The following TEKT3 variants were observed in gnomAD, a reference collection of about 807,000 sequenced individuals.
The protein encoded by TEKT3 is tektin-3.
A neutral mutation model predicts 49.8 loss-of-function variants in TEKT3; 49 were observed. That is an observed-to-expected ratio of 0.98 (90% CI 0.78 to 1.25). The LOEUF (loss-of-function observed/expected upper bound fraction) is 1.25. TEKT3 is among the 50% of genes most tolerant of loss of function. The pLI is 0.00. For missense variants in TEKT3, 595 were observed against 629.5 expected, an observed-to-expected ratio of 0.95 and a Z score of 0.59; for synonymous variants, 225 against 237.2, an observed-to-expected ratio of 0.95 and a Z score of 0.47.
At chr17:15,324,486 T>G (rs1911403534) in intron 4 of TEKT3, among the ~76,000 whole-genome samples, 1 of 152,206 alleles carries the variant, frequency 6.6e-6, no homozygotes, top group South Asian at 2.1e-4. Context: ...ATCCTATGGA[T>G]CATACAGGGT....
At position 15,331,081 on chromosome 17, in the gene TEKT3, C is replaced by T. The variant is rs369191449; in HGVS notation, c.505G>A (p.Gly169Arg). The change falls in exon 3 of 9, where the codon GGA becomes AGA. Residue 169 changes from glycine (G) to arginine (R), a missense_variant. By Grantham distance (125) the Gly-to-Arg change is moderately radical. Transcript: ENST00000395930. ...EIIHELDEMIGETNALTDVKK... is the reference protein window; with the variant it reads ...EIIHELDEMIRETNALTDVKK... ...ACATCAGTAAGTGCATTTGTCTCTC[C>T]AATCATTTCATCCAACTCATGAATG... The T allele has an allele frequency of 6.8e-6, 11 of 1,614,064 alleles. No homozygotes were observed. In the Middle Eastern group the frequency reaches 4.9e-4, roughly 72 times the overall value.
chr17:15,319,298 T>A, intron 4 of TEKT3, 151 bp from the exon 5 acceptor site: 1 of 628,606 alleles, frequency 1.6e-6, no homozygotes, highest in Non-Finnish European at 2.7e-6. Flanking sequence ...CACTTATTTA[T>A]CTACATGCTC....
chr17:15,331,659 T>A lies in TEKT3; in HGVS notation c.-29-45A>T, dbSNP rs1911758511. ...AAAATAAGACAGTCACATAAAATAA[T>A]CTCTGGTGAAACATACAGATAAAAG... On this transcript the variant is annotated intron_variant, in intron 2 of 8. Transcript: ENST00000395930. The A allele has an allele frequency of 3.5e-6, 5 of 1,417,478 alleles. No homozygotes were observed. In the East Asian group the frequency reaches 1.2e-4, roughly 34 times the overall value. 87.8% of individuals were successfully genotyped at this position (1,417,478 alleles called of 1,614,324 possible).
At position 15,312,286 on chromosome 17, in the gene TEKT3, C is replaced by T. The variant is rs775477451; in HGVS notation, c.1074G>A (p.Lys358=). The change falls in exon 7 of 9, where the codon AAG becomes AAA. Residue 358 remains lysine, a synonymous_variant. Transcript: ENST00000395930. ...TTGCTAAGTGCGTCTGAATCTTATT[C>T]TTAGCATCTGCAGTCTCAGCAATGC... ...TNRIAETADA[K]NKIQTHLAKT... is the part of the protein sequence containing the mutation. 6.2e-7 allele frequency: 1 copy of T among 1,614,208 alleles called. No homozygotes were observed. Among genetic ancestry groups the T allele is most frequent in the Non-Finnish European group, 8.5e-7 (1 of 1,180,048 alleles).
At chr17:15,338,419 C>T (rs1158469070) in intron 2 of TEKT3, 1 of 152,028 alleles carries the variant, frequency 6.6e-6, no homozygotes, top group Non-Finnish European at 1.5e-5. Context: ...GAAGAAATAC[C>T]TCAGTTTTTA....
At chr17:15,331,663 T>G in intron 2 of TEKT3, 49 bp from the exon 3 acceptor site, 45 of 1,365,728 alleles carry the variant, frequency 3.3e-5, no homozygotes, top group Non-Finnish European at 4.0e-5. Flanking sequence ...AAATAATCTC[T>G]GGTGAAACAT....
rs767666575 is a variant in TEKT3 at position 15,303,988 on chromosome 17, A to G, written c.1421T>C (p.Met474Thr). 8.2e-5 allele frequency: 133 copies of G among 1,614,138 alleles called. 2 individuals carry two copies. In the East Asian group the frequency reaches 2.8e-3, roughly 34 times the overall value. The change falls in exon 9 of 9, where the codon ATG becomes ACG. Residue 474 changes from methionine to threonine, a missense_variant. By Grantham distance (81) the Met-to-Thr change is moderately conservative (BLOSUM62 -1). Transcript: ENST00000395930. ...NSLYIDQEKCMSMRKSYPNTL... is the reference protein window; with the variant it reads ...NSLYIDQEKCTSMRKSYPNTL... ...GTTGGGGTAGCTCTTGCGCATGCTC[A>G]TGCATTTTTCCTGGTCGATGTACAG... is the stretch of plus-strand genomic sequence containing the variant.
chr17:15,309,286 C>A (rs1910669790), intron 7 of TEKT3, among the ~76,000 whole-genome samples: 1 of 152,178 alleles, frequency 6.6e-6, no homozygotes. Flanking sequence ...CTCTTCCTAC[C>A]AACTTGAGCA....
chr17:15,308,046 G>A (rs967507459), intron 8 of TEKT3, among the ~76,000 whole-genome samples: 7 of 152,154 alleles, frequency 4.6e-5, no homozygotes, highest in Admixed American at 1.3e-4. Context: ...AGCTGTGCTC[G>A]ATGAAGACCA....
intron 2 of TEKT3, among the ~76,000 whole-genome samples, chr17:15,336,039 A>G (rs1436309545): frequency 6.6e-6 from 1 of 152,128 alleles, no homozygotes; most frequent in Non-Finnish European, 1.5e-5. Flanking sequence ...TAATGGCTGA[A>G]TATTTCCCAA....
intron 2 of TEKT3, among the ~76,000 whole-genome samples, chr17:15,338,708 G>A (rs1156332331): frequency 6.2e-5 from 1 of 16,206 alleles, no homozygotes; most frequent in Admixed American, 7.7e-4. Context: ...TAGTAGAGAC[G>A]GGTTTCACCG....
intron 2 of TEKT3, among the ~76,000 whole-genome samples, chr17:15,334,479 G>A (rs554391211): frequency 2.6e-5 from 4 of 152,196 alleles, no homozygotes; most frequent in Non-Finnish European, 4.4e-5. Flanking sequence ...ATCTTGAGAC[G>A]TCTCAACCCA....
chr17:15,326,595 C>G (rs1020631849), intron 4 of TEKT3, among the ~76,000 whole-genome samples: 2 of 151,982 alleles, frequency 1.3e-5, no homozygotes, highest in African/African-American at 4.8e-5. Flanking sequence ...GGGCAGCAAG[C>G]CATGGTGATG....
intron 5 of TEKT3, 60 bp downstream of exon 5, chr17:15,319,017 G>T: frequency 7.4e-7 from 1 of 1,343,070 alleles, no homozygotes; most frequent in South Asian, 1.3e-5. Context: ...TTTCAATGAG[G>T]AGCATGAAAG....
chr17:15,306,256 G>A (rs1179382036), intron 8 of TEKT3, among the ~76,000 whole-genome samples: 1 of 151,994 alleles, frequency 6.6e-6, no homozygotes, highest in Non-Finnish European at 1.5e-5. Context: ...TTAAATAAAA[G>A]TAAGTCTTGA....
intron 5 of TEKT3, among the ~76,000 whole-genome samples, chr17:15,316,424 A>G (rs1352967333): frequency 6.6e-6 from 1 of 152,072 alleles, no homozygotes. Context: ...GGTTGAAAAC[A>G]TATGCCTTGA....
At chr17:15,335,792 TG>T (rs1911954485) in intron 2 of TEKT3, among the ~76,000 whole-genome samples, 1 of 152,228 alleles carries the variant, frequency 6.6e-6, no homozygotes, top group Non-Finnish European at 1.5e-5. Flanking sequence ...AAGACAGAAA[TG>T]GAAGACTGGA....
At chr17:15,322,421 C>T (rs1026366466) in intron 4 of TEKT3, among the ~76,000 whole-genome samples, 1 of 151,996 alleles carries the variant, frequency 6.6e-6, no homozygotes, top group Non-Finnish European at 1.5e-5. Context: ...TATTAGGTCT[C>T]GTAATATTGT....
At chr17:15,306,952 T>C (rs1910576093) in intron 8 of TEKT3, 1 of 152,182 alleles carries the variant, frequency 6.6e-6, no homozygotes. Flanking sequence ...GAGCTGTGCA[T>C]GAAGAGGGGT....
Sources: allele counts gnomAD v4.1 joint callset (sites outside exome capture counted in the v4.1 genomes callset), GRCh38; gene constraint gnomAD v4.1.1; transcripts MANE v1.5; gene names NCBI Gene and HGNC (gene_info 2026-07-23, HGNC 2026-07-21).